The following CEP83 variants were observed in gnomAD, a reference collection of about 807,000 sequenced individuals.
CEP83 encodes centrosomal protein of 83 kDa.
Under a neutral mutation model 101.9 loss-of-function variants are expected in CEP83, and 70 were observed. The ratio of observed to expected loss-of-function variants is 0.69; its 90% CI spans 0.57 to 0.84. The LOEUF (loss-of-function observed/expected upper bound fraction) is 0.84, where lower values mean the gene tolerates loss of function less well. CEP83 is among the 40% of genes least tolerant of loss of function. The pLI, the probability that CEP83 is intolerant of heterozygous loss-of-function variation, is 0.00. For missense variants in CEP83, 715 were observed against 787.2 expected (o/e 0.91, Z 1.10); for synonymous variants, 264 against 267.9 (o/e 0.99, Z 0.14).
intron 6 of CEP83, among the ~76,000 whole-genome samples, chr12:94,383,448 T>C (rs939403836): frequency 1.3e-5 from 2 of 152,070 alleles, no homozygotes; most frequent in Non-Finnish European, 2.9e-5. Context: ...ATGCATTCAG[T>C]AGAAACCATA....
At chr12:94,297,137 T>G in the CEP83 span, 4 of 1,582,108 alleles carry the variant, frequency 2.5e-6, no homozygotes, top group African/African-American at 1.3e-5. Context: ...GATTAGCCCA[T>G]GGTTGCTTTT....
At chr12:94,291,954 T>C in the CEP83 span, among the ~76,000 whole-genome samples, 1 of 152,196 alleles carries the variant, frequency 6.6e-6, no homozygotes, top group African/African-American at 2.4e-5. Context: ...CCCATCTTTA[T>C]AGACACTTCA....
the CEP83 span, among the ~76,000 whole-genome samples, chr12:94,292,437 A>G: frequency 3.9e-5 from 6 of 152,348 alleles, no homozygotes; most frequent in East Asian, 1.2e-3. Context: ...GCAAAAGTTA[A>G]GCATGTCCCA....
chr12:94,404,465 C>T (rs368721687), intron 4 of CEP83, among the ~76,000 whole-genome samples: 78 of 152,188 alleles, frequency 5.1e-4, no homozygotes, highest in African/African-American at 1.8e-3. Flanking sequence ...GAGTTAAAGC[C>T]ATTTTGAATG....
chr12:94,366,103 T>C (rs1427563221), intron 11 of CEP83, among the ~76,000 whole-genome samples: 4 of 151,996 alleles, frequency 2.6e-5, no homozygotes, highest in African/African-American at 9.7e-5. Context: ...ATGTGGGAAG[T>C]GGCATTTTTT....
intron 1 of CEP83, among the ~76,000 whole-genome samples, chr12:94,454,981 A>G (rs1231585551): frequency 6.6e-6 from 1 of 152,098 alleles, no homozygotes; most frequent in Non-Finnish European, 1.5e-5. Context: ...TGAACCCACC[A>G]GAAGGAAGAA....
In CEP83 at chr12:94,375,874, A is replaced by G. The variant is rs747884007; in HGVS notation, c.933+12T>C. 31 of 1,388,716 alleles carry G rather than the reference A, an allele frequency of 2.2e-5. No homozygotes were observed. Among genetic ancestry groups the G allele is most frequent in the Middle Eastern group, 2.2e-4 (1 of 4,500 alleles). The allele number at this position is 1,388,716 out of a possible 1,614,324, so 86.0% of individuals were successfully genotyped here. On this transcript the variant is annotated intron_variant, in intron 8 of 16. Transcript: ENST00000397809. ...ATTCTAAAGAATGAAACAGAAACAT[A>G]AAACAACTTACTTTACTGGACAATG... is the stretch of plus-strand genomic sequence containing the variant.
At chr12:94,303,811 A>G, downstream of CEP83, 1 of 1,611,324 alleles carries the variant, frequency 6.2e-7, no homozygotes, top group Non-Finnish European at 8.5e-7. Context: ...TACAAAGAAG[A>G]AGTAAAATCT....
chr12:94,319,414 C>G (rs1971251513), intron 14 of CEP83, among the ~76,000 whole-genome samples: 1 of 152,002 alleles, frequency 6.6e-6, no homozygotes, highest in Admixed American at 6.6e-5. Flanking sequence ...AGCTCTAATG[C>G]TAGCTTTGGG....
chr12:94,458,132 A>C (rs938430518), intron 1 of CEP83, among the ~76,000 whole-genome samples: 17 of 151,070 alleles, frequency 1.1e-4, no homozygotes, highest in African/African-American at 4.1e-4. Flanking sequence ...GGGAGGCGGA[A>C]GTTGCAGTGA....
downstream of CEP83, among the ~76,000 whole-genome samples, chr12:94,302,056 T>C (rs1380590328): frequency 1.3e-5 from 2 of 152,156 alleles, no homozygotes; most frequent in Non-Finnish European, 2.9e-5. Flanking sequence ...CCTTCTAAAC[T>C]TTTCCTTTTC....
chr12:94,424,820 T>C (rs891615722), intron 2 of CEP83: 2 of 1,601,628 alleles, frequency 1.2e-6, no homozygotes, highest in South Asian at 1.1e-5. Context: ...CAGCTGGTCA[T>C]TTCCATTGCT....
At chr12:94,451,177 G>A (rs1015229584) in intron 1 of CEP83, among the ~76,000 whole-genome samples, 1 of 152,090 alleles carries the variant, frequency 6.6e-6, no homozygotes, top group Non-Finnish European at 1.5e-5. Flanking sequence ...AATTCAATAT[G>A]AATCTTATAT....
chr12:94,321,922 C>A (rs192610801), intron 14 of CEP83, among the ~76,000 whole-genome samples: 1 of 151,938 alleles, frequency 6.6e-6, no homozygotes, highest in African/African-American at 2.4e-5. Flanking sequence ...AGGGCTGCTA[C>A]AGTATGCTGG....
rs2063956207 is a variant in CEP83, at chr12:94,412,605, T to C, written c.-101-14A>G. The C allele has an allele frequency of 1.4e-6, 1 of 726,128 alleles. No homozygotes were observed. Among genetic ancestry groups the C allele is most frequent in the South Asian group, 1.9e-5 (1 of 52,804 alleles). 45.0% of individuals were successfully genotyped at this position (726,128 alleles called of 1,614,324 possible). On this transcript the variant is annotated splice_polypyrimidine_tract_variant and intron_variant, in intron 2 of 16. Coordinates refer to ENST00000397809, the MANE Select transcript of CEP83 (RefSeq NM_016122.3). Reference sequence around the variant, plus strand: ...GCCAAATTATACCTGCACAGAGAAATAAACATAATTACATAATTTGCGATC... The same window carrying C: ...GCCAAATTATACCTGCACAGAGAAACAAACATAATTACATAATTTGCGATC...
intron 9 of CEP83, 92 bp from the exon 10 acceptor site, chr12:94,368,293 C>T (rs1461999138): frequency 3.4e-6 from 3 of 876,576 alleles, no homozygotes; most frequent in South Asian, 1.8e-5. Flanking sequence ...GCTGGTAAGA[C>T]AAATGAATGT....
intron 2 of CEP83, among the ~76,000 whole-genome samples, chr12:94,423,309 C>T (rs1272475266): frequency 6.6e-6 from 1 of 152,106 alleles, no homozygotes; most frequent in Non-Finnish European, 1.5e-5. Context: ...GTCTTGAATT[C>T]CCGACATCAA....
chr12:94,361,806 AT>A (rs2060776817), intron 11 of CEP83, among the ~76,000 whole-genome samples: 1 of 152,036 alleles, frequency 6.6e-6, no homozygotes, highest in Non-Finnish European at 1.5e-5. Flanking sequence ...AGTTCAAGCA[AT>A]TCTCCTGCCT....
intron 6 of CEP83, among the ~76,000 whole-genome samples, chr12:94,391,413 A>G (rs1392854576): frequency 1.3e-5 from 2 of 152,256 alleles, no homozygotes; most frequent in Non-Finnish European, 2.9e-5. Flanking sequence ...AATCCTTTAC[A>G]GACAAGCAAA....
Sources: allele counts gnomAD v4.1 joint callset (sites outside exome capture counted in the v4.1 genomes callset), GRCh38; gene constraint gnomAD v4.1.1; transcripts MANE v1.5; gene names NCBI Gene and HGNC (gene_info 2026-07-23, HGNC 2026-07-21).